ANKRD35: variants seen among roughly 807,000 people sequenced by gnomAD.
The protein encoded by ANKRD35 is ankyrin repeat domain 35, also known as ankyrin repeat domain-containing protein 35.
In ANKRD35, 102 loss-of-function variants were observed where a neutral mutation model predicts 109.9. The observed-to-expected ratio is 0.93, with a 90% CI of 0.79 to 1.09. The LOEUF is 1.09. ANKRD35 is among the 50% of genes least tolerant of loss of function. The pLI is 0.00. For missense variants in ANKRD35, 1,240 were observed against 1,230.1 expected, an observed-to-expected ratio of 1.01 and a Z score of -0.12; for synonymous variants, 515 against 512.4, an observed-to-expected ratio of 1.01 and a Z score of -0.07.
rs782720226 is a variant in ANKRD35, at chr1:145,879,212, A to C, written c.170+46T>G. ...ATGTTATATTGGATTTGGGGGCTTC[A>C]AAAGGGAGCCACATGTAAGGGGCAG... On this transcript the variant is annotated intron_variant, in intron 2 of 13. Coordinates refer to ENST00000355594, the MANE Select transcript of ANKRD35 (RefSeq NM_144698.5). 32 of 1,519,386 alleles carry C rather than the reference A, an allele frequency of 2.1e-5. No individual in the cohort carries two copies. In the African/African-American group the frequency reaches 3.5e-4, roughly 17 times the overall value. The allele number at this position is 1,519,386 out of a possible 1,614,324, so 94.1% of individuals were successfully genotyped here.
chr1:145,873,190 C>A lies in ANKRD35; in HGVS notation c.1579G>T (p.Ala527Ser). ...VMEGALGTPRAEAAAAAWEKM... is the reference protein window; with the variant it reads ...VMEGALGTPRSEAAAAAWEKM... ...TCCCAGGCAGCTGCTGCTGCCTCAG[C>A]ACGGGGAGTCCCCAGGGCTCCCTCC... The change falls in exon 10 of 14, where the codon GCT becomes TCT. Residue 527 changes from alanine (A) to serine (S), a missense_variant. Ala to Ser is a moderately conservative substitution (Grantham distance 99, BLOSUM62 1). Transcript: ENST00000355594. 6.2e-7 allele frequency: 1 copy of A among 1,614,130 alleles called. No individual in the cohort carries two copies. Among genetic ancestry groups the A allele is most frequent in the Non-Finnish European group, 8.5e-7 (1 of 1,180,024 alleles).
Position 145,872,660 on chromosome 1 carries a change from C to A in ANKRD35, c.2109G>T (p.Gly703=). 1.2e-6 allele frequency: 2 copies of A among 1,614,098 alleles called. No homozygotes were observed. The highest frequency in any genetic ancestry group is 1.7e-6 in the Non-Finnish European group (2 of 1,179,998). The change falls in exon 10 of 14, where the codon GGG becomes GGT. Residue 703 remains glycine (G), a synonymous_variant. Transcript: ENST00000355594. ...GGTCTGCGGGCAGGCAGTCCCACAG[C>A]CCTCGGAGACCGCTGCTCTGGGAGG... ...LLASQSSGLR[G]LWDCLPADLV...
chr1:145,881,521 C>T (rs1553741094), intron 1 of ANKRD35, among the ~76,000 whole-genome samples: 1 of 152,230 alleles, frequency 6.6e-6, no homozygotes, highest in Non-Finnish European at 1.5e-5. Flanking sequence ...CACATACTAA[C>T]AGACTCTGAC....
chr1:145,874,114 G>A, intron 9 of ANKRD35, 41 bp downstream of exon 9: 1 of 1,613,230 alleles, frequency 6.2e-7, no homozygotes, highest in Non-Finnish European at 8.5e-7. Flanking sequence ...GATAGCCTGG[G>A]GTGTGTCAAA....
intron 4 of ANKRD35, among the ~76,000 whole-genome samples, chr1:145,877,290 T>G (rs1039776529): frequency 6.6e-5 from 10 of 150,888 alleles, no homozygotes; most frequent in Non-Finnish European, 1.2e-4. Flanking sequence ...TGGAGTGCAG[T>G]GGTGCGATCT....
At chr1:145,874,269 C>A in intron 8 of ANKRD35, 77 bp from the exon 9 acceptor site, 1 of 1,522,332 alleles carries the variant, frequency 6.6e-7, no homozygotes, top group East Asian at 2.2e-5. Flanking sequence ...TATCTTCAGA[C>A]TTTTTCTGAG....
In ANKRD35 at chr1:145,873,091, C is replaced by A. The variant is rs782084286; in HGVS notation, c.1678G>T (p.Glu560Ter). The part of the protein sequence containing the change: ...WAKAGLQVKP[E>*]VPSQESREGA... ...TCTCTGGACTCCTGGGAAGGAACCT[C>A]AGGTTTCACCTGTAGTCCTGCCTTT... The change falls in exon 10 of 14, where the codon GAG (glutamate) becomes TAG (stop). Residue 560 changes from glutamate (E) to a stop codon, truncating the protein, a stop_gained. Transcript: ENST00000355594. LOFTEE classifies it high-confidence loss of function. The A allele has an allele frequency of 4.3e-6, 7 of 1,613,092 alleles. No individual in the cohort carries two copies. Among genetic ancestry groups the A allele is most frequent in the Non-Finnish European group, 5.9e-6 (7 of 1,179,592 alleles).
intron 11 of ANKRD35, 63 bp from the exon 12 acceptor site, chr1:145,868,119 A>G (rs894565430): frequency 1.3e-6 from 2 of 1,571,552 alleles, no homozygotes; most frequent in Non-Finnish European, 1.8e-6. Context: ...ATGAGGAGCA[A>G]CACAATGAAG....
At chr1:145,871,153 CTTTTTTTTTTT>C (rs59433424) in intron 10 of ANKRD35, among the ~76,000 whole-genome samples, 23 of 78,090 alleles carry the variant, frequency 2.9e-4, no homozygotes, top group Non-Finnish European at 5.4e-4. Context: ...TTTCTTTTTT[CTTTTTTTTTTT>C]TTTTTTTTTT....
Position 145,876,641 on chromosome 1 carries a change from T to G in ANKRD35, c.383-2A>C, listed in dbSNP as rs1010414834. 2 of 1,614,092 alleles carry G rather than the reference T, an allele frequency of 1.2e-6. No homozygotes were observed. The highest frequency in any genetic ancestry group is 3.3e-5 in the Admixed American group (2 of 60,018). ...CACTTGAGGCACAGCCAGAGGAGGC[T>G]GGGGAGAAGATGTTTGGGTTAAGGG... On this transcript the variant is annotated splice_acceptor_variant, in intron 5 of 13. Coordinates refer to ENST00000355594, the MANE Select transcript of ANKRD35 (RefSeq NM_144698.5). LOFTEE classifies it high-confidence loss of function.
chr1:145,870,248 C>G (rs1290590194), intron 10 of ANKRD35, among the ~76,000 whole-genome samples: 1 of 151,814 alleles, frequency 6.6e-6, no homozygotes, highest in Non-Finnish European at 1.5e-5. Flanking sequence ...CCCACCACCA[C>G]GCCCGGATAA....
rs1553741784 is a variant in ANKRD35 at position 145,885,766 on chromosome 1, G to T, written c.-8C>A. 2 of 1,613,112 alleles carry T rather than the reference G, an allele frequency of 1.2e-6. No homozygotes were observed. The highest frequency in any genetic ancestry group is 2.7e-5 in the African/African-American group (2 of 74,910). On this transcript the variant is annotated 5_prime_UTR_variant, in exon 1 of 14. Coordinates refer to ENST00000355594, the MANE Select transcript of ANKRD35 (RefSeq NM_144698.5). ...GGAGAAGATACGCTTCATGGCCGGG[G>T]TCGGGGCCACGGGGGATGGGGACGC...
Position 145,881,949 on chromosome 1 carries a change from C to CTTTT in ANKRD35, c.40-2565_40-2562dup, listed in dbSNP as rs782253954. 8.3e-3 allele frequency among the ~76,000 whole-genome samples: 864 copies of CTTTT among 104,606 alleles called. 2 individuals carry two copies. The highest frequency in any genetic ancestry group is 0.011 in the Non-Finnish European group (579 of 52,648). The allele number at this position is 104,606 out of a possible 152,430, so 68.6% of individuals were successfully genotyped here. ...AATATAGATACTTTTCTTTCCCCTT[C>CTTTT]TTTTTTTTTTTTTTTTTTTTTTTGA... On this transcript the variant is annotated intron_variant, in intron 1 of 13. Transcript: ENST00000355594.
chr1:145,873,237 C>A lies in ANKRD35; in HGVS notation c.1532G>T (p.Gly511Val). The change falls in exon 10 of 14, where the codon GGG (glycine) becomes GTG (valine). Residue 511 changes from glycine (G) to valine (V), a missense_variant. Transcript: ENST00000355594. ...CTCCATGACCGGTCTTGACAAAGCC[C>A]CCCGGGCAGCATCCTTTTCTCGCCA... ...AVWREKDAAR[G>V]ALSRPVMEGA... 6.2e-7 allele frequency: 1 copy of A among 1,614,206 alleles called. No individual in the cohort carries two copies. Among genetic ancestry groups the A allele is most frequent in the Middle Eastern group, 1.6e-4 (1 of 6,062 alleles).
intron 1 of ANKRD35, among the ~76,000 whole-genome samples, chr1:145,881,934 C>T (rs1357505999): frequency 6.8e-6 from 1 of 147,730 alleles, no homozygotes; most frequent in Non-Finnish European, 1.5e-5. Flanking sequence ...AATATAGATA[C>T]TTTTCTTTCC....
At position 145,879,325 on chromosome 1, in the gene ANKRD35, G is replaced by T. The variant is rs201747548; in HGVS notation, c.103C>A (p.Arg35Ser). ...LEAVHRGDVGRVAALASRKSA... is the reference protein window; with the variant it reads ...LEAVHRGDVGSVAALASRKSA... Reference sequence around the variant, plus strand: ...TTCCTGGAGGCCAGGGCAGCCACGCGTCCCACATCCCCCCTGTGCACTGCC... The same window carrying T: ...TTCCTGGAGGCCAGGGCAGCCACGCTTCCCACATCCCCCCTGTGCACTGCC... The change falls in exon 2 of 14, where the codon CGC (arginine) becomes AGC (serine). Residue 35 changes from arginine (R) to serine (S), a missense_variant. Physicochemically the swap from Arg to Ser is moderately radical, Grantham distance 110. Transcript: ENST00000355594. 93 of 1,610,896 alleles carry T rather than the reference G, an allele frequency of 5.8e-5. 1 individual carries two copies. The South Asian group carries it at 9.5e-4, about 16-fold the overall frequency.
At chr1:145,880,631 A>G (rs1553740941) in intron 1 of ANKRD35, among the ~76,000 whole-genome samples, 1 of 152,220 alleles carries the variant, frequency 6.6e-6, no homozygotes, top group East Asian at 1.9e-4. Flanking sequence ...ATAGCATTTT[A>G]TAAGGTATAA....
chr1:145,876,525 CCCTTCTGTGT>C (rs1654080876), intron 6 of ANKRD35, 34 bp downstream of exon 6: 1 of 1,610,422 alleles, frequency 6.2e-7, no homozygotes, highest in East Asian at 2.2e-5. Flanking sequence ...ACAGCAGCAG[CCCTTCTGTGT>C]AGGACACTGC....
At chr1:145,874,238 T>C (rs1265501508) in intron 8 of ANKRD35, 46 bp from the exon 9 acceptor site, 11 of 1,597,614 alleles carry the variant, frequency 6.9e-6, no homozygotes, top group Non-Finnish European at 9.4e-6. Flanking sequence ...ACAGGTTCCA[T>C]GTACTTCCAG....
Sources: gnomAD v4.1 joint callset for allele counts (sites outside exome capture counted in the v4.1 genomes callset) on GRCh38, gnomAD v4.1.1 for gene constraint, MANE v1.5 for transcripts, NCBI Gene and HGNC (gene_info 2026-07-23, HGNC 2026-07-21) for gene names.